The following SGCZ variants were observed in gnomAD, a reference collection of about 807,000 sequenced individuals.
SGCZ encodes the protein sarcoglycan zeta, also known as zeta-sarcoglycan.
A neutral mutation model predicts 41.3 loss-of-function variants in SGCZ; 40 were observed. The ratio of observed to expected loss-of-function variants is 0.97; its 90% confidence interval spans 0.75 to 1.26. SGCZ has a LOEUF of 1.26. Among genes scored for constraint, SGCZ ranks in the 50% most tolerant of loss-of-function variants. SGCZ has a pLI of 0.00. For missense variants in SGCZ, 552 were observed against 369.8 expected (o/e 1.49, Z -4.04); for synonymous variants, 206 against 137.5 (o/e 1.50, Z -3.49).
At chr8:14,781,047 T>C (rs182594388) in intron 1 of SGCZ, among the ~76,000 whole-genome samples, 1 of 152,306 alleles carries the variant, frequency 6.6e-6, no homozygotes, top group African/African-American at 2.4e-5. Context: ...AAATATTTAG[T>C]ATGGAATTAA....
chr8:14,803,576 T>C (rs1009935309), intron 1 of SGCZ, among the ~76,000 whole-genome samples: 7 of 152,048 alleles, frequency 4.6e-5, no homozygotes, highest in African/African-American at 1.4e-4. Flanking sequence ...TCAGAGGGTC[T>C]GACGCCCAGG....
intron 1 of SGCZ, among the ~76,000 whole-genome samples, chr8:14,666,239 G>C (rs573819521): frequency 1.3e-5 from 2 of 152,240 alleles, no homozygotes; most frequent in Non-Finnish European, 2.9e-5. Flanking sequence ...GGCATAAAAG[G>C]AATGCTGGCA....
intron 6 of SGCZ, among the ~76,000 whole-genome samples, chr8:14,104,424 C>G (rs1026198334): frequency 4.1e-5 from 4 of 97,822 alleles, no homozygotes; most frequent in African/African-American, 1.2e-4. Flanking sequence ...ATGCAACTAT[C>G]AAATTAAAAA....
At chr8:14,926,667 A>T (rs1799761999) in intron 1 of SGCZ, among the ~76,000 whole-genome samples, 1 of 151,780 alleles carries the variant, frequency 6.6e-6, no homozygotes, top group Non-Finnish European at 1.5e-5. Flanking sequence ...TTTTTGAGAC[A>T]GTCTCGCTCT....
intron 1 of SGCZ, among the ~76,000 whole-genome samples, chr8:14,786,183 G>A (rs1160093013): frequency 6.6e-6 from 1 of 151,924 alleles, no homozygotes; most frequent in East Asian, 1.9e-4. Context: ...TTCTCGTTTT[G>A]TCTTTCAAAC....
At chr8:14,841,087 C>G (rs976652666) in intron 1 of SGCZ, among the ~76,000 whole-genome samples, 5 of 151,330 alleles carry the variant, frequency 3.3e-5, no homozygotes, top group Non-Finnish European at 1.5e-5. Context: ...CATGCTAACA[C>G]TAAGAATAAG....
rs114625059 is a variant in SGCZ, at chr8:14,841,991, A to G, written c.40-287065T>C. 9.4e-3 allele frequency among the ~76,000 whole-genome samples: 1,436 copies of G among 152,306 alleles called. 15 individuals are homozygous for G. Among genetic ancestry groups the G allele is most frequent in the African/African-American group, 0.033 (1,351 of 41,558 alleles). On this transcript the variant is annotated intron_variant, in intron 1 of 7. Transcript: ENST00000382080. Reference sequence around the variant, plus strand: ...TACAGGACTGAATTATGTGGGTATAAGTATGTGTGGACTTCATTTTTATTC... The same window carrying G: ...TACAGGACTGAATTATGTGGGTATAGGTATGTGTGGACTTCATTTTTATTC...
At chr8:15,037,098 C>T (rs929189862) in intron 1 of SGCZ, among the ~76,000 whole-genome samples, 6 of 152,006 alleles carry the variant, frequency 3.9e-5, no homozygotes, top group African/African-American at 1.2e-4. Flanking sequence ...TACCTGAGCA[C>T]GATAAAGGCT....
At chr8:15,031,743 G>A (rs1361046118) in intron 1 of SGCZ, among the ~76,000 whole-genome samples, 1 of 152,092 alleles carries the variant, frequency 6.6e-6, no homozygotes, top group Non-Finnish European at 1.5e-5. Flanking sequence ...ATACCCTAAA[G>A]AGTAGTAATA....
chr8:14,284,247 C>T (rs1010990178), intron 3 of SGCZ, among the ~76,000 whole-genome samples: 2 of 152,100 alleles, frequency 1.3e-5, no homozygotes, highest in African/African-American at 2.4e-5. Context: ...GAAAAGTTCG[C>T]CAAGGGTGGT....
intron 2 of SGCZ, among the ~76,000 whole-genome samples, chr8:14,478,727 T>TC (rs1319418269): frequency 1.3e-5 from 2 of 152,184 alleles, no homozygotes; most frequent in African/African-American, 4.8e-5. Flanking sequence ...TCTTTATATT[T>TC]CCCCCAAAAA....
At chr8:14,301,930 A>C (rs1801203728) in intron 3 of SGCZ, among the ~76,000 whole-genome samples, 1 of 152,176 alleles carries the variant, frequency 6.6e-6, no homozygotes, top group South Asian at 2.1e-4. Context: ...AATATTTTCA[A>C]ATCGTGTTTT....
intron 2 of SGCZ, among the ~76,000 whole-genome samples, chr8:14,355,840 G>A (rs1302345009): frequency 1.3e-5 from 2 of 152,040 alleles, no homozygotes; most frequent in African/African-American, 4.8e-5. Context: ...CTGGTCTAGT[G>A]TCAGATCTTC....
At chr8:15,189,295 GTATT>G (rs1800452396) in intron 1 of SGCZ, among the ~76,000 whole-genome samples, 2 of 152,172 alleles carry the variant, frequency 1.3e-5, no homozygotes, top group African/African-American at 4.8e-5. Context: ...ACAATGACCT[GTATT>G]TATTTATTAG....
chr8:15,208,529 C>T (rs1475006952), intron 1 of SGCZ, among the ~76,000 whole-genome samples: 2 of 152,124 alleles, frequency 1.3e-5, no homozygotes, highest in African/African-American at 2.4e-5. Flanking sequence ...TGATTCTCTT[C>T]CCAAAGTAAC....
intron 1 of SGCZ, among the ~76,000 whole-genome samples, chr8:14,779,612 G>A (rs1198089771): frequency 6.6e-6 from 1 of 152,098 alleles, no homozygotes; most frequent in Non-Finnish European, 1.5e-5. Flanking sequence ...ATAAATTATG[G>A]TATATAATAT....
intron 2 of SGCZ, among the ~76,000 whole-genome samples, chr8:14,369,021 A>ATGTGTGTGTGTGTGTGTG (rs10655274): frequency 1.6e-4 from 24 of 145,526 alleles, no homozygotes; most frequent in East Asian, 1.2e-3. Flanking sequence ...GCAAATGTAA[A>ATGTGTGTGTGTGTGTGTG]TGTGTGTGTG....
In SGCZ at chr8:14,556,960, T is replaced by G. The variant is rs549977585; in HGVS notation, c.40-2034A>C. Among the ~76,000 whole-genome samples, 5 of 152,210 alleles carry G rather than the reference T, an allele frequency of 3.3e-5. No individual in the cohort carries two copies. The South Asian group carries it at 1.0e-3, about 32-fold the overall frequency. ...CTGGGTAGGTACTCAGTAGTGGGAT[T>G]GCTAGATCAAATGGTAGTTCTACAT... On this transcript the variant is annotated intron_variant, in intron 1 of 7. Transcript: ENST00000382080.
chr8:14,502,266 G>A (rs935295727), intron 2 of SGCZ, among the ~76,000 whole-genome samples: 1 of 151,894 alleles, frequency 6.6e-6, no homozygotes, highest in Non-Finnish European at 1.5e-5. Context: ...ACTTACTCTC[G>A]AGACTAAGAT....
Sources: allele counts gnomAD v4.1 joint callset (sites outside exome capture counted in the v4.1 genomes callset), GRCh38; gene constraint gnomAD v4.1.1; transcripts MANE v1.5; gene names NCBI Gene and HGNC (gene_info 2026-07-23, HGNC 2026-07-21).